The following SNRK variants were observed in gnomAD, a reference collection of about 807,000 sequenced individuals.
The protein encoded by SNRK is SNF-related serine/threonine-protein kinase.
A neutral mutation model predicts 48.2 loss-of-function variants in SNRK; 3 were observed. The observed-to-expected ratio is 0.06, with a 90% CI of 0.03 to 0.16. The LOEUF is 0.16. SNRK is among the 10% of genes least tolerant of loss of function. The pLI, the probability that SNRK is intolerant of heterozygous loss-of-function variation, is 1.00. For missense variants in SNRK, 627 were observed against 976.0 expected, an observed-to-expected ratio of 0.64 and a Z score of 4.76; for synonymous variants, 376 against 366.1, an observed-to-expected ratio of 1.03 and a Z score of -0.31.
At chr3:43,325,472 CTG>C (rs2091089210) in intron 3 of SNRK, among the ~76,000 whole-genome samples, 2 of 152,036 alleles carry the variant, frequency 1.3e-5, no homozygotes, top group Admixed American at 6.6e-5. Context: ...GCCCAAAAGA[CTG>C]TGTTTTTAAC....
chr3:43,313,662 T>C (rs1198856447), intron 3 of SNRK, among the ~76,000 whole-genome samples: 1 of 152,162 alleles, frequency 6.6e-6, no homozygotes, highest in East Asian at 1.9e-4. Context: ...AGAAACTACA[T>C]ACACAAATAA....
intron 3 of SNRK, among the ~76,000 whole-genome samples, chr3:43,312,864 C>A (rs929668809): frequency 6.6e-6 from 1 of 151,990 alleles, no homozygotes. Context: ...AGATACACAT[C>A]TAACAGAACA....
At position 43,340,308 on chromosome 3, in the gene SNRK, G is replaced by A; in HGVS notation, c.753G>A (p.Gln251=). Reference sequence around the variant, plus strand: ...CCAGCCTAATCACACGGATGCTACAGAGAGATCCCAAGAGAAGGGCTTCTT... The same window carrying A: ...CCAGCCTAATCACACGGATGCTACAAAGAGATCCCAAGAGAAGGGCTTCTT... The part of the protein sequence containing the change: ...ECKDLITRML[Q]RDPKRRASLE... The change falls in exon 5 of 7, where the codon CAG becomes CAA. Residue 251 remains glutamine, a synonymous_variant. Transcript: ENST00000296088. 6.2e-7 allele frequency: 1 copy of A among 1,614,112 alleles called. No individual in the cohort carries two copies. Among genetic ancestry groups the A allele is most frequent in the Non-Finnish European group, 8.5e-7 (1 of 1,180,004 alleles).
chr3:43,290,784 G>A (rs2090805865), intron 1 of SNRK, among the ~76,000 whole-genome samples: 1 of 152,034 alleles, frequency 6.6e-6, no homozygotes, highest in African/African-American at 2.4e-5. Context: ...GCCTTCATTT[G>A]TTCATTTAAT....
chr3:43,309,616 T>G (rs2125624369), intron 3 of SNRK, among the ~76,000 whole-genome samples: 1 of 151,274 alleles, frequency 6.6e-6, no homozygotes, highest in African/African-American at 2.4e-5. Flanking sequence ...AATAAGGTTT[T>G]TTTTTTTTTT....
chr3:43,346,336 T>G (rs1305119973), intron 6 of SNRK, among the ~76,000 whole-genome samples: 1 of 152,146 alleles, frequency 6.6e-6, no homozygotes. Context: ...ACTGGTAAAA[T>G]TTTGTTCCTG....
rs2091227004 is a variant in SNRK at position 43,340,510 on chromosome 3, G to C, written c.944+11G>C. The C allele has an allele frequency of 3.7e-6, 6 of 1,612,602 alleles. No homozygotes were observed. In the African/African-American group the frequency reaches 4.0e-5, roughly 11 times the overall value. On this transcript the variant is annotated intron_variant, in intron 5 of 6. Transcript: ENST00000296088. ...AGACGCCATTGTAGAGTACGTCAAT[G>C]CCCGTCAGTACAGAGGGCCACAGGT...
In SNRK at chr3:43,347,712, G is replaced by A. The variant is rs777663687; in HGVS notation, c.1453G>A (p.Val485Ile). Residue 485 changes from valine to isoleucine, a missense_variant, in exon 7 of 7, where the codon GTC (valine) becomes ATC (isoleucine). This residue lies in a region of SNRK where 98 missense variants were observed against 175.2 expected (regional missense o/e 0.56). Coordinates refer to ENST00000296088, the MANE Select transcript of SNRK (RefSeq NM_017719.5). This position sits in a 1 kb window ranked among gnomAD's most constrained non-coding sequence, Gnocchi z 5.4. ...CCTGACATCCAGGAAGAGTGCGCCC[G>A]TCCTCAACCAGATCTTTGAGGAAGG... ...NRLTSRKSAP[V>I]LNQIFEEGES... is the part of the protein sequence containing the mutation. 1.6e-5 allele frequency: 26 copies of A among 1,613,814 alleles called. No homozygotes were observed. The highest frequency in any genetic ancestry group is 9.3e-5 in the African/African-American group (7 of 74,890).
chr3:43,339,368 C>T (rs1294723753), intron 4 of SNRK, among the ~76,000 whole-genome samples: 1 of 152,170 alleles, frequency 6.6e-6, no homozygotes, highest in African/African-American at 2.4e-5. Context: ...CTGTTATATG[C>T]ACCCAACATA....
At chr3:43,321,998 A>T (rs958839526) in intron 3 of SNRK, among the ~76,000 whole-genome samples, 1 of 152,248 alleles carries the variant, frequency 6.6e-6, no homozygotes, top group African/African-American at 2.4e-5. Context: ...CTCAGCACCT[A>T]GCACAGCGCC....
intron 1 of SNRK, among the ~76,000 whole-genome samples, chr3:43,296,215 T>G (rs1412496308): frequency 6.6e-6 from 1 of 151,760 alleles, no homozygotes; most frequent in East Asian, 1.9e-4. Context: ...ATTGAGAGAG[T>G]GTTAATTCCT....
intron 1 of SNRK, among the ~76,000 whole-genome samples, chr3:43,287,826 T>C (rs2090778437): frequency 6.6e-6 from 1 of 152,218 alleles, no homozygotes; most frequent in Non-Finnish European, 1.5e-5. Context: ...TGTCAAGGCT[T>C]ATGTAATCAG....
intron 3 of SNRK, among the ~76,000 whole-genome samples, chr3:43,324,237 T>C (rs79487138): frequency 0.027 from 4,100 of 152,118 alleles, 189 homozygotes; most frequent in African/African-American, 0.091. Flanking sequence ...AGGCCGGGCG[T>C]GGTGGCTCAC....
At position 43,351,072 on chromosome 3, in the gene SNRK, T is replaced by C. The variant is rs992782766; in HGVS notation, c.*2515T>C. 1.3e-5 allele frequency: 2 copies of C among 152,626 alleles called. No homozygotes were observed. The highest frequency in any genetic ancestry group is 2.9e-5 in the Non-Finnish European group (2 of 68,040). The allele number at this position is 152,626 out of a possible 1,614,324, so 9.5% of individuals were successfully genotyped here. On this transcript the variant is annotated 3_prime_UTR_variant, in exon 7 of 7. Coordinates refer to ENST00000296088, the MANE Select transcript of SNRK (RefSeq NM_017719.5). ...GTTGATTTCCCTCATTGTGTAAACA[T>C]TGACAGGTATGTGACAAATGGGAAA...
At chr3:43,315,835 C>G (rs772226045) in intron 3 of SNRK, among the ~76,000 whole-genome samples, 61 of 152,166 alleles carry the variant, frequency 4.0e-4, no homozygotes, top group Non-Finnish European at 8.1e-4. Flanking sequence ...CTTCTGTCAC[C>G]CAGCTGCCAA....
At position 43,340,340 on chromosome 3, in the gene SNRK, A is replaced by G; in HGVS notation, c.785A>G (p.Glu262Gly). Reference sequence around the variant, plus strand: ...CCCAAGAGAAGGGCTTCTTTAGAAGAGATTGAAAATCATCCTTGGCTTCAG... The same window carrying G: ...CCCAAGAGAAGGGCTTCTTTAGAAGGGATTGAAAATCATCCTTGGCTTCAG... ...RDPKRRASLE[E>G]IENHPWLQGV... The change falls in exon 5 of 7, where the codon GAG becomes GGG. Residue 262 changes from glutamate (E) to glycine (G), a missense_variant. Glu to Gly is a moderately conservative substitution (Grantham distance 98, BLOSUM62 -2). Around this residue, in one of 4 missense-constraint regions of SNRK, gnomAD observed 147 missense variants for 356.8 expected, o/e 0.41. Transcript: ENST00000296088. The G allele has an allele frequency of 6.2e-7, 1 of 1,614,202 alleles. No homozygotes were observed. The highest frequency in any genetic ancestry group is 1.3e-5 in the African/African-American group (1 of 75,044).
In SNRK at chr3:43,347,456, C is replaced by T. The variant is rs1218577410; in HGVS notation, c.1197C>T (p.Leu399=). ...QSPARAADSV[L]NGHRSKGLCD... The stretch of plus-strand genomic sequence containing the variant: ...CTGCTCGGGCTGCTGACAGTGTCCT[C>T]AATGGCCACAGGAGCAAAGGCCTGT... The change falls in exon 7 of 7, where the codon CTC becomes CTT. Residue 399 remains leucine (L), a synonymous_variant. Coordinates refer to ENST00000296088, the MANE Select transcript of SNRK (RefSeq NM_017719.5). The surrounding 1 kb of genome is among the most constrained non-coding windows in gnomAD (Gnocchi z 5.4). The T allele has an allele frequency of 1.2e-6, 2 of 1,613,914 alleles. No homozygotes were observed. Among genetic ancestry groups the T allele is most frequent in the African/African-American group, 1.3e-5 (1 of 74,866 alleles).
At chr3:43,343,533 C>CTTT in intron 6 of SNRK, 55 bp downstream of exon 6, 203 of 1,306,020 alleles carry the variant, frequency 1.6e-4, no homozygotes, top group Admixed American at 1.9e-4. Context: ...AAATAGCGAA[C>CTTT]TTTTTTTTTT....
intron 3 of SNRK, among the ~76,000 whole-genome samples, chr3:43,311,457 T>C (rs2090978458): frequency 6.6e-6 from 1 of 152,298 alleles, no homozygotes; most frequent in South Asian, 2.1e-4. Context: ...TAGATCATGC[T>C]CATGCACTAT....
Sources: gnomAD v4.1 joint callset for allele counts (sites outside exome capture counted in the v4.1 genomes callset) on GRCh38, gnomAD v4.1.1 for gene constraint, gnomAD v4.1.1 regional missense constraint, Gnocchi (gnomAD v3.1) non-coding constraint, MANE v1.5 for transcripts, NCBI Gene and HGNC (gene_info 2026-07-23, HGNC 2026-07-21) for gene names.